PARP3: variants seen among roughly 807,000 people sequenced by gnomAD.
The protein encoded by PARP3 is protein mono-ADP-ribosyltransferase PARP3.
PARP3 carries 46 observed loss-of-function variants against 58.2 expected under a neutral mutation model. The observed-to-expected ratio is 0.79, with a 90% CI of 0.62 to 1.01. The LOEUF is 1.01. Ranked by LOEUF, PARP3 falls within the 50% of genes least tolerant of loss-of-function variation. PARP3 has a pLI of 0.00. For synonymous variants in PARP3, 252 were observed against 266.4 expected, an observed-to-expected ratio of 0.95 and a Z score of 0.53; for missense variants, 663 against 683.9, an observed-to-expected ratio of 0.97 and a Z score of 0.34.
chr3:51,942,444 G>A lies in PARP3; in HGVS notation c.-267G>A. On this transcript the variant is annotated 5_prime_UTR_variant, in exon 1 of 11. The change abolishes an upstream ATG in the 5' untranslated region. Transcript: ENST00000398755. ...ACGCGACTGCCCCGGCCTTGGATAT[G>A]CCAGATCGAGTGTCCACCCGTCCGT... 1 of 613,260 alleles carries A rather than the reference G, an allele frequency of 1.6e-6. No individual in the cohort carries two copies. Among genetic ancestry groups the A allele is most frequent in the South Asian group, 1.8e-5 (1 of 55,536 alleles). The allele number at this position is 613,260 out of a possible 1,614,324, so 38.0% of individuals were successfully genotyped here.
In PARP3 at chr3:51,944,752, T is replaced by C; in HGVS notation, c.502-26T>C. The C allele has an allele frequency of 6.3e-7, 1 of 1,595,776 alleles. No individual in the cohort carries two copies. The highest frequency in any genetic ancestry group is 1.1e-5 in the South Asian group (1 of 89,424). On this transcript the variant is annotated intron_variant, in intron 4 of 10. Coordinates refer to ENST00000398755, the MANE Select transcript of PARP3 (RefSeq NM_001003931.4). The surrounding 1 kb of genome is among the most constrained non-coding windows in gnomAD (Gnocchi z 4.2). ...GTGTCACGCCCTGCCCCGCTGCTCC[T>C]GCCCACATGTGCCCTCTATCTTCAG...
At position 51,946,375 on chromosome 3, in the gene PARP3, G is replaced by C. The variant is rs1176266927; in HGVS notation, c.1276+32G>C. 6 of 1,550,628 alleles carry C rather than the reference G, an allele frequency of 3.9e-6. No individual in the cohort carries two copies. Among genetic ancestry groups the C allele is most frequent in the African/African-American group, 1.4e-5 (1 of 73,218 alleles). ...TGCCCCTCTGGGCCAAGCCCTGGGA[G>C]GGTTGGCACTAAGATGGATTGGGCC... On this transcript the variant is annotated intron_variant, in intron 9 of 10. Transcript: ENST00000398755. This position sits in a 1 kb window ranked among gnomAD's most constrained non-coding sequence, Gnocchi z 4.6.
chr3:51,942,866 C>G, intron 1 of PARP3, 158 bp downstream of exon 1: 3 of 1,436,838 alleles, frequency 2.1e-6, no homozygotes, highest in Non-Finnish European at 2.7e-6. Context: ...GTTCTAAGCT[C>G]CGGGAGGATA....
In PARP3 at chr3:51,944,838, G is replaced by A; in HGVS notation, c.562G>A (p.Ala188Thr). 1.9e-6 allele frequency: 3 copies of A among 1,613,996 alleles called. No individual in the cohort carries two copies. The East Asian group carries it at 6.7e-5, about 36-fold the overall frequency. Residue 188 changes from alanine to threonine, a missense_variant, in exon 5 of 11, where the codon GCC becomes ACC. Around this residue, in one of 3 missense-constraint regions of PARP3, gnomAD observed 567 missense variants for 553.6 expected, o/e 1.02. Transcript: ENST00000398755. The surrounding 1 kb of genome is among the most constrained non-coding windows in gnomAD (Gnocchi z 4.2). ...GGTGCAGCCCTGCTCCCTGGACCCA[G>A]CCACGCAGAAGCTCATCACTAACAT... ...KRVQPCSLDP[A>T]TQKLITNIFS...
chr3:51,948,495 C>T lies in PARP3; in HGVS notation c.*15C>T, dbSNP rs1274652727. 1.2e-6 allele frequency: 2 copies of T among 1,612,302 alleles called. No homozygotes were observed. Among genetic ancestry groups the T allele is most frequent in the South Asian group, 2.2e-5 (2 of 90,926 alleles). ...TCCACCTCTGAGTGCCCGCCCTGTC[C>T]CCCGGGGTCCTGCAAGGCTGGACTG... On this transcript the variant is annotated 3_prime_UTR_variant, in exon 11 of 11. Transcript: ENST00000398755.
Position 51,946,327 on chromosome 3 carries a change from C to G in PARP3, c.1260C>G (p.Ser420Arg). Residue 420 changes from serine (S) to arginine (R), a missense_variant, in exon 9 of 11, where the codon AGC becomes AGG. This residue lies in a region of PARP3 where 567 missense variants were observed against 553.6 expected (regional missense o/e 1.02). Coordinates refer to ENST00000398755, the MANE Select transcript of PARP3 (RefSeq NM_001003931.4). This position sits in a 1 kb window ranked among gnomAD's most constrained non-coding sequence, Gnocchi z 4.6. ...GKGIYFASENSKSAGYVIGMK... is the reference protein window; with the variant it reads ...GKGIYFASENRKSAGYVIGMK... ...GCATCTACTTTGCCTCAGAGAACAG[C>G]AAGTCAGCTGGATATGGTGAGGTGC... 6.2e-7 allele frequency: 1 copy of G among 1,607,718 alleles called. No homozygotes were observed. Among genetic ancestry groups the G allele is most frequent in the Non-Finnish European group, 8.5e-7 (1 of 1,176,566 alleles).
intron 7 of PARP3, 44 bp downstream of exon 7, chr3:51,945,688 G>C (rs1215853295): frequency 6.2e-7 from 1 of 1,604,228 alleles, no homozygotes; most frequent in Non-Finnish European, 8.5e-7. Flanking sequence ...AGTGGGCACT[G>C]TCCCTCTGCC....
intron 7 of PARP3, 94 bp from the exon 8 acceptor site, chr3:51,945,759 A>G: frequency 1.3e-6 from 2 of 1,524,668 alleles, no homozygotes; most frequent in South Asian, 1.1e-5. Flanking sequence ...CTGTGTCTCC[A>G]GGGCCTGAGG....
rs1164762645 is a variant in PARP3, at chr3:51,945,080, C to T, written c.717C>T (p.Ala239=). 1 of 1,614,172 alleles carries T rather than the reference C, an allele frequency of 6.2e-7. No individual in the cohort carries two copies. Among genetic ancestry groups the T allele is most frequent in the Non-Finnish European group, 8.5e-7 (1 of 1,180,042 alleles). ...GFEALEALEE[A]LKGPTDGGQS... is the part of the protein sequence containing the mutation. ...AGGCCTTGGAGGCGCTGGAGGAGGC[C>T]CTGAAAGGCCCCACGGATGGTGGCC... Residue 239 remains alanine (A), a synonymous_variant, in exon 6 of 11, where the codon GCC becomes GCT. Coordinates refer to ENST00000398755, the MANE Select transcript of PARP3 (RefSeq NM_001003931.4).
At position 51,946,120 on chromosome 3, in the gene PARP3, G is replaced by T; in HGVS notation, c.1099-46G>T. ...ACAAGCAGCAGGGCAAGGCGACTGA[G>T]TGCTCGGGTGGCATCACTCCCATTT... On this transcript the variant is annotated intron_variant, in intron 8 of 10. Transcript: ENST00000398755. The surrounding 1 kb of genome is among the most constrained non-coding windows in gnomAD (Gnocchi z 4.6). 1 of 1,537,062 alleles carries T rather than the reference G, an allele frequency of 6.5e-7. No homozygotes were observed.
At chr3:51,945,692 C>G (rs1436671258) in intron 7 of PARP3, 48 bp downstream of exon 7, 1 of 1,599,008 alleles carries the variant, frequency 6.3e-7, no homozygotes, top group South Asian at 1.1e-5. Context: ...GGCACTGTCC[C>G]TCTGCCCACC....
At position 51,946,039 on chromosome 3, in the gene PARP3, A is replaced by G. The variant is rs945003577; in HGVS notation, c.1098+100A>G. The G allele has an allele frequency of 1.4e-5, 19 of 1,368,000 alleles. No individual in the cohort carries two copies. Among genetic ancestry groups the G allele is most frequent in the Middle Eastern group, 3.6e-4 (2 of 5,554 alleles). The allele number at this position is 1,368,000 out of a possible 1,614,324, so 84.7% of individuals were successfully genotyped here. A position where few individuals can be genotyped will look rare whatever the true frequency, so the allele number is the denominator to read the frequency against. Reference sequence around the variant, plus strand: ...AGCAAATCGTTTAGCAGCTCTGGTCAGTTTCTGCCGGCCATGAGTGCGCGT... The same window carrying G: ...AGCAAATCGTTTAGCAGCTCTGGTCGGTTTCTGCCGGCCATGAGTGCGCGT... On this transcript the variant is annotated intron_variant, in intron 8 of 10. Transcript: ENST00000398755. The surrounding 1 kb of genome is among the most constrained non-coding windows in gnomAD (Gnocchi z 4.6).
chr3:51,944,368 C>G lies in PARP3; in HGVS notation c.313-22C>G. On this transcript the variant is annotated intron_variant, in intron 3 of 10. Transcript: ENST00000398755. The surrounding 1 kb of genome is among the most constrained non-coding windows in gnomAD (Gnocchi z 4.2). ...CAGCAAATGCTGATGGTGGGCATAC[C>G]CCTGAAGGCTGTCGGTTGCAGGGAG... 6.2e-7 allele frequency: 1 copy of G among 1,613,026 alleles called. No homozygotes were observed. The highest frequency in any genetic ancestry group is 1.1e-5 in the South Asian group (1 of 90,940).
Position 51,945,557 on chromosome 3 carries a change from G to A in PARP3, c.924G>A (p.Val308=), listed in dbSNP as rs1344982028. 6.2e-7 allele frequency: 1 copy of A among 1,613,896 alleles called. No individual in the cohort carries two copies. Among genetic ancestry groups the A allele is most frequent in the Non-Finnish European group, 8.5e-7 (1 of 1,179,996 alleles). Residue 308 remains valine (V), a synonymous_variant, in exon 7 of 11, where the codon GTG becomes GTA. Transcript: ENST00000398755. ...LQAVSEQEKT[V]EEVPHPLDRD... ...CAGTCTCTGAGCAGGAGAAGACGGT[G>A]GAGGAGGTGCCACACCCCCTGGACC... is the stretch of plus-strand genomic sequence containing the variant.
intron 6 of PARP3, 134 bp downstream of exon 6, chr3:51,945,358 G>A: frequency 7.3e-7 from 1 of 1,376,124 alleles, no homozygotes. Flanking sequence ...GGGTGGGGAA[G>A]GCTGGGCAGA....
At chr3:51,943,762 C>T (rs891191108) in intron 2 of PARP3, among the ~76,000 whole-genome samples, 3 of 152,134 alleles carry the variant, frequency 2.0e-5, no homozygotes, top group African/African-American at 7.2e-5. Context: ...CCTCCCACCG[C>T]ACTTAGGGAA....
chr3:51,948,173 A>G, intron 10 of PARP3, 138 bp from the exon 11 acceptor site: 2 of 885,694 alleles, frequency 2.3e-6, no homozygotes, highest in Middle Eastern at 3.6e-4. Flanking sequence ...CAGCCCCTGC[A>G]GTGGTTTGGA....
In PARP3 at chr3:51,944,515, C is replaced by G. The variant is rs765482748; in HGVS notation, c.438C>G (p.His146Gln). 4.0e-5 allele frequency: 64 copies of G among 1,614,070 alleles called. No homozygotes were observed. The highest frequency in any genetic ancestry group is 5.3e-5 in the Non-Finnish European group (63 of 1,180,038). The stretch of plus-strand genomic sequence containing the variant: ...CAGAGCGGGACCACTTTGTGTCTCA[C>G]CCGGGCAAGTACACACTTATCGAAG... Reference protein sequence around the residue: ...NWAERDHFVSHPGKYTLIEVQ... With the variant: ...NWAERDHFVSQPGKYTLIEVQ... Residue 146 changes from histidine (H) to glutamine (Q), a missense_variant, in exon 4 of 11, where the codon CAC becomes CAG. Physicochemically the swap from His to Gln is conservative, Grantham distance 24 (BLOSUM62 0). Coordinates refer to ENST00000398755, the MANE Select transcript of PARP3 (RefSeq NM_001003931.4). The surrounding 1 kb of genome is among the most constrained non-coding windows in gnomAD (Gnocchi z 4.2).
chr3:51,945,091 C>G lies in PARP3; in HGVS notation c.728C>G (p.Pro243Arg). 2 of 1,614,138 alleles carry G rather than the reference C, an allele frequency of 1.2e-6. No individual in the cohort carries two copies. The highest frequency in any genetic ancestry group is 4.5e-5 in the East Asian group (2 of 44,882). Residue 243 changes from proline to arginine, a missense_variant, in exon 6 of 11, where the codon CCC becomes CGC. By Grantham distance (103) the Pro-to-Arg change is moderately radical (BLOSUM62 -2). Coordinates refer to ENST00000398755, the MANE Select transcript of PARP3 (RefSeq NM_001003931.4). Reference protein sequence around the residue: ...LEALEEALKGPTDGGQSLEEL... With the variant: ...LEALEEALKGRTDGGQSLEEL... Reference sequence around the variant, plus strand: ...GCGCTGGAGGAGGCCCTGAAAGGCCCCACGGATGGTGGCCAAAGCCTGGAG... The same window carrying G: ...GCGCTGGAGGAGGCCCTGAAAGGCCGCACGGATGGTGGCCAAAGCCTGGAG...
Sources: gnomAD v4.1 joint callset for allele counts (sites outside exome capture counted in the v4.1 genomes callset) on GRCh38, gnomAD v4.1.1 for gene constraint, gnomAD v4.1.1 regional missense constraint, Gnocchi (gnomAD v3.1) non-coding constraint, MANE v1.5 for transcripts, NCBI Gene and HGNC (gene_info 2026-07-23, HGNC 2026-07-21) for gene names.